The following COBL variants were observed in gnomAD, a reference collection of about 807,000 sequenced individuals.
The protein encoded by COBL is cordon-bleu WH2 repeat protein, also known as protein cordon-bleu.
A neutral mutation model predicts 98.8 loss-of-function variants in COBL; 51 were observed. The observed-to-expected ratio is 0.52, with a 90% CI of 0.41 to 0.65. COBL has a LOEUF of 0.65. Among genes scored for constraint, COBL ranks in the 30% least tolerant of loss-of-function variants. The probability of loss-of-function intolerance (pLI) is 0.00; values close to 1 mark genes in which losing one functional copy is unlikely to be tolerated. For missense variants in COBL, 1,617 were observed against 1,617.5 expected (o/e 1.00, Z 0.01); for synonymous variants, 634 against 651.7 (o/e 0.97, Z 0.41).
chr7:51,108,958 C>CACACACACACA (rs1562923478), intron 6 of COBL, among the ~76,000 whole-genome samples: 8,195 of 83,808 alleles, frequency 0.098, 335 homozygotes, highest in Non-Finnish European at 0.13. Flanking sequence ...ACACACACAC[C>CACACACACACA]CCCTGCCCCA....
chr7:51,069,984 C>T (rs1457317846), intron 7 of COBL, among the ~76,000 whole-genome samples: 1 of 151,996 alleles, frequency 6.6e-6, no homozygotes, highest in African/African-American at 2.4e-5. Context: ...TTTCCCTTTA[C>T]TGAAAAATAT....
intron 7 of COBL, among the ~76,000 whole-genome samples, chr7:51,045,997 A>G (rs917617764): frequency 3.9e-5 from 6 of 152,024 alleles, no homozygotes; most frequent in African/African-American, 1.2e-4. Flanking sequence ...TAATCTTCCC[A>G]TGGCCCGTGT....
intron 7 of COBL, among the ~76,000 whole-genome samples, chr7:51,053,183 CT>C (rs1371500035): frequency 6.6e-6 from 1 of 151,990 alleles, no homozygotes; most frequent in East Asian, 1.9e-4. Context: ...AAAATTATTC[CT>C]TTTTCTAGAC....
intron 1 of COBL, among the ~76,000 whole-genome samples, chr7:51,233,342 A>G (rs1210820153): frequency 6.6e-6 from 1 of 152,196 alleles, no homozygotes; most frequent in Non-Finnish European, 1.5e-5. Flanking sequence ...CAGAAACGCC[A>G]GACCTAGAAG....
intron 1 of COBL, among the ~76,000 whole-genome samples, chr7:51,287,388 G>A (rs904648881): frequency 3.3e-5 from 5 of 152,122 alleles, no homozygotes; most frequent in African/African-American, 7.2e-5. Context: ...ATAAAGCTTC[G>A]CCATCGTTAG....
At chr7:51,236,839 G>C (rs1406067301) in intron 1 of COBL, among the ~76,000 whole-genome samples, 1 of 152,090 alleles carries the variant, frequency 6.6e-6, no homozygotes, top group South Asian at 2.1e-4. Flanking sequence ...CAGCAGGGTC[G>C]GTGTCCTAAA....
At chr7:51,288,215 C>G (rs1800552078) in intron 1 of COBL, among the ~76,000 whole-genome samples, 1 of 151,886 alleles carries the variant, frequency 6.6e-6, no homozygotes, top group Admixed American at 6.6e-5. Flanking sequence ...GGGTGGATCA[C>G]CTGAGTTCAG....
intron 1 of COBL, among the ~76,000 whole-genome samples, chr7:51,307,878 A>G (rs957014947): frequency 3.9e-5 from 6 of 152,158 alleles, no homozygotes; most frequent in Non-Finnish European, 7.4e-5. Flanking sequence ...TTTAAATCCA[A>G]TTGGGTGGCT....
rs534502796 is a variant in COBL, at chr7:51,088,352, T to C, written c.958-3048A>G. On this transcript the variant is annotated intron_variant, in intron 6 of 12. Transcript: ENST00000265136. ...AATTTTTTCTGATTTCCCCCCCTCT[T>C]GGAAATTTTCTCCATTGTAAGACTC... 5.1e-3 allele frequency among the ~76,000 whole-genome samples: 770 copies of C among 151,940 alleles called. 31 individuals are homozygous for C. Among genetic ancestry groups the C allele is most frequent in the Admixed American group, 0.048 (725 of 15,254 alleles).
intron 5 of COBL, among the ~76,000 whole-genome samples, chr7:51,165,024 A>C (rs1787159436): frequency 6.6e-6 from 1 of 152,104 alleles, no homozygotes; most frequent in African/African-American, 2.4e-5. Flanking sequence ...AAATTGAATC[A>C]TACCACCAGA....
At chr7:51,043,734 T>TGGC in intron 7 of COBL, 42 bp from the exon 8 acceptor site, 4 of 1,554,770 alleles carry the variant, frequency 2.6e-6, no homozygotes, top group Non-Finnish European at 2.6e-6. Flanking sequence ...CAAACCACTC[T>TGGC]GGCGTCCATA....
chr7:51,206,491 C>CAAAAAA (rs1216887855), intron 2 of COBL, among the ~76,000 whole-genome samples: 1 of 101,276 alleles, frequency 9.9e-6, no homozygotes, highest in African/African-American at 3.9e-5. Context: ...GACTCTGTCT[C>CAAAAAA]AAAAAAAAAA....
chr7:51,173,619 G>A (rs989838940), intron 5 of COBL, among the ~76,000 whole-genome samples: 20 of 152,142 alleles, frequency 1.3e-4, no homozygotes, highest in Admixed American at 7.9e-4. Context: ...ATCATCTGGT[G>A]CAATTGGAAA....
chr7:51,205,150 C>A lies in COBL; in HGVS notation c.246-11561G>T. Reference sequence around the variant, plus strand: ...ATCCCATTGGCATTCTTTACAGAAACAGAGAAGAAACAATGCAAAAACTCA... The same window carrying A: ...ATCCCATTGGCATTCTTTACAGAAAAAGAGAAGAAACAATGCAAAAACTCA... On this transcript the variant is annotated intron_variant, in intron 2 of 12. Transcript: ENST00000265136. Among the ~76,000 whole-genome samples, 3 of 152,194 alleles carry A rather than the reference C, an allele frequency of 2.0e-5. No individual in the cohort carries two copies. The South Asian group carries it at 6.2e-4, about 32-fold the overall frequency.
chr7:51,175,760 TTGCCTGA>T (rs1788309812), intron 5 of COBL, among the ~76,000 whole-genome samples: 1 of 152,236 alleles, frequency 6.6e-6, no homozygotes, highest in Admixed American at 6.5e-5. Flanking sequence ...TTCCTCTGGC[TTGCCTGA>T]TGGCAGAGAG....
intron 6 of COBL, among the ~76,000 whole-genome samples, chr7:51,133,943 A>C (rs1164437645): frequency 6.6e-6 from 1 of 152,244 alleles, no homozygotes; most frequent in Non-Finnish European, 1.5e-5. Flanking sequence ...TTTTTAAACT[A>C]GTTGATACAA....
intron 1 of COBL, among the ~76,000 whole-genome samples, chr7:51,225,761 C>G (rs888851151): frequency 6.6e-6 from 1 of 152,202 alleles, no homozygotes; most frequent in Non-Finnish European, 1.5e-5. Context: ...AAGCTCCCAG[C>G]TGGGTTTTTA....
intron 7 of COBL, among the ~76,000 whole-genome samples, chr7:51,084,341 G>A (rs1793987430): frequency 1.3e-5 from 2 of 152,124 alleles, no homozygotes; most frequent in African/African-American, 4.8e-5. Context: ...AGTGGCCTGT[G>A]AGTGCTGGTG....
chr7:51,295,867 C>T (rs761130692), intron 1 of COBL, among the ~76,000 whole-genome samples: 9 of 152,214 alleles, frequency 5.9e-5, no homozygotes, highest in Non-Finnish European at 1.3e-4. Context: ...AATTTAAAAA[C>T]CCTCACTGAG....
Sources: allele counts gnomAD v4.1 joint callset (sites outside exome capture counted in the v4.1 genomes callset), GRCh38; gene constraint gnomAD v4.1.1; transcripts MANE v1.5; gene names NCBI Gene and HGNC (gene_info 2026-07-23, HGNC 2026-07-21).